Variants in LPIN2 observed in about 807,000 individuals in gnomAD.
LPIN2 encodes the protein phosphatidate phosphatase LPIN2.
Under a neutral mutation model 111.4 loss-of-function variants are expected in LPIN2, and 55 were observed. That is an observed-to-expected ratio of 0.49 (90% confidence interval 0.40 to 0.62). The LOEUF is 0.62. Ranked by LOEUF, LPIN2 falls within the 20% of genes least tolerant of loss-of-function variation. The probability of loss-of-function intolerance (pLI) is 0.00; values close to 1 mark genes in which losing one functional copy is unlikely to be tolerated. For synonymous variants in LPIN2, 425 were observed against 414.0 expected (o/e 1.03, Z -0.32); for missense variants, 992 against 1,112.1 (o/e 0.89, Z 1.54).
intron 1 of LPIN2, among the ~76,000 whole-genome samples, chr18:3,005,967 G>C (rs2078509334): frequency 6.6e-6 from 1 of 152,234 alleles, no homozygotes; most frequent in South Asian, 2.1e-4. Flanking sequence ...TCCTTGGGCA[G>C]TGGGGCAGCA....
Position 2,920,765 on chromosome 18 carries a change from A to G in LPIN2, c.2546+13T>C. 6 of 1,605,042 alleles carry G rather than the reference A, an allele frequency of 3.7e-6. No homozygotes were observed. The highest frequency in any genetic ancestry group is 5.1e-6 in the Non-Finnish European group (6 of 1,171,686). On this transcript the variant is annotated intron_variant, in intron 19 of 19. Coordinates refer to ENST00000677752, the MANE Select transcript of LPIN2 (RefSeq NM_001375808.2). ...CTGCAGGGCGCCGGGCTGAGAGCTGAGAATGTACTTACGATGACTTGTTTC... is the reference window on the plus strand; with the variant it reads ...CTGCAGGGCGCCGGGCTGAGAGCTGGGAATGTACTTACGATGACTTGTTTC...
intron 1 of LPIN2, among the ~76,000 whole-genome samples, chr18:3,009,849 T>C (rs534879641): frequency 6.6e-6 from 1 of 152,368 alleles, no homozygotes; most frequent in East Asian, 1.9e-4. Flanking sequence ...AGTCAGTGAA[T>C]CAAATTAGTA....
chr18:3,001,450 A>G (rs764012420), intron 1 of LPIN2, among the ~76,000 whole-genome samples: 2 of 152,234 alleles, frequency 1.3e-5, no homozygotes, highest in Non-Finnish European at 2.9e-5. Flanking sequence ...GCATATGCTC[A>G]GCTGTAAGCA....
intron 1 of LPIN2, among the ~76,000 whole-genome samples, chr18:3,001,694 C>A (rs1272662789): frequency 6.6e-6 from 1 of 151,996 alleles, no homozygotes; most frequent in Admixed American, 6.6e-5. Context: ...ATGAAAGGGG[C>A]TTTTGCTAGG....
chr18:2,974,218 G>A (rs667885), intron 1 of LPIN2, among the ~76,000 whole-genome samples: 143,833 of 152,226 alleles, frequency 0.94, 68,223 homozygotes, highest in East Asian at 1. Context: ...CTGGGATTAC[G>A]GGCGCCTGCC....
At chr18:2,959,997 C>T (rs1322607939) in intron 2 of LPIN2, among the ~76,000 whole-genome samples, 4 of 152,014 alleles carry the variant, frequency 2.6e-5, no homozygotes, top group South Asian at 2.1e-4. Context: ...GGTGAAACCC[C>T]GTCTCTACTA....
At chr18:3,000,236 C>A (rs1396039755) in intron 1 of LPIN2, among the ~76,000 whole-genome samples, 1 of 151,888 alleles carries the variant, frequency 6.6e-6, no homozygotes, top group Non-Finnish European at 1.5e-5. Flanking sequence ...GAGCATCAAT[C>A]CAAAATGGCC....
chr18:2,926,661 G>C (rs1468239209), intron 13 of LPIN2, 62 bp downstream of exon 13: 1 of 1,434,294 alleles, frequency 7.0e-7, no homozygotes, highest in Non-Finnish European at 9.7e-7. Flanking sequence ...AATCAACTTA[G>C]AAGTAATGGC....
rs55844718 is a variant in LPIN2 at position 2,956,311 on chromosome 18, G to GGTGT, written c.193-1716_193-1713dup. 4.6e-3 allele frequency among the ~76,000 whole-genome samples: 657 copies of GGTGT among 144,036 alleles called. 16 individuals carry two copies. Among genetic ancestry groups the GGTGT allele is most frequent in the East Asian group, 0.034 (163 of 4,816 alleles). The allele number at this position is 144,036 out of a possible 152,430, so 94.5% of individuals were successfully genotyped here. ...CATGATTTTCATATATAGATGCAGG[G>GGTGT]GTGTGTGTGTGTGTGTGTGTGTGTG... On this transcript the variant is annotated intron_variant, in intron 2 of 19. Transcript: ENST00000677752.
chr18:3,008,428 TGAGACC>T (rs2078549495), intron 1 of LPIN2, among the ~76,000 whole-genome samples: 1 of 152,222 alleles, frequency 6.6e-6, no homozygotes, highest in Non-Finnish European at 1.5e-5. Flanking sequence ...GGTGACCAAG[TGAGACC>T]TTGTCTCAAA....
chr18:2,924,593 T>G (rs537646513), intron 14 of LPIN2, 47 bp from the exon 15 acceptor site: 2 of 1,595,908 alleles, frequency 1.3e-6, no homozygotes, highest in African/African-American at 2.7e-5. Context: ...AAAACATAGT[T>G]TGAAACGATT....
At chr18:2,951,520 T>A (rs1485313783) in intron 3 of LPIN2, among the ~76,000 whole-genome samples, 164 bp from the exon 4 acceptor site, 1 of 152,046 alleles carries the variant, frequency 6.6e-6, no homozygotes. Context: ...CCTACTATAC[T>A]CTGACGAGGT....
intron 1 of LPIN2, chr18:2,990,867 C>CCT (rs1555607048): frequency 1.7e-5 from 8 of 484,312 alleles, no homozygotes; most frequent in Non-Finnish European, 2.8e-5. Flanking sequence ...AATGATACTA[C>CCT]CTCCCTCCAG....
intron 1 of LPIN2, among the ~76,000 whole-genome samples, chr18:2,964,635 C>T (rs2077765182): frequency 6.6e-6 from 1 of 152,182 alleles, no homozygotes. Flanking sequence ...TTGTTTAAGC[C>T]AAATACCATC....
intron 11 of LPIN2, among the ~76,000 whole-genome samples, chr18:2,928,211 C>A (rs1231509923): frequency 1.3e-5 from 2 of 152,184 alleles, no homozygotes; most frequent in Non-Finnish European, 2.9e-5. Flanking sequence ...CTGCCCTAAC[C>A]ACACTGATGT....
chr18:3,008,730 T>C (rs545498776), intron 1 of LPIN2, among the ~76,000 whole-genome samples: 1 of 152,218 alleles, frequency 6.6e-6, no homozygotes, highest in South Asian at 2.1e-4. Flanking sequence ...CTCATGTATT[T>C]ATTTATTCAG....
At chr18:2,940,740 G>A (rs757746490) in intron 4 of LPIN2, 28 bp from the exon 5 acceptor site, 6 of 1,332,280 alleles carry the variant, frequency 4.5e-6, no homozygotes, top group Non-Finnish European at 6.5e-6. Flanking sequence ...AAGAAAGGCA[G>A]GAACGATGAC....
chr18:2,972,095 G>A (rs1196302983), intron 1 of LPIN2, among the ~76,000 whole-genome samples: 1 of 152,028 alleles, frequency 6.6e-6, no homozygotes, highest in East Asian at 1.9e-4. Flanking sequence ...GAAATCCATG[G>A]TGGAAGTTAA....
chr18:2,986,364 T>C (rs1460016830), intron 1 of LPIN2, among the ~76,000 whole-genome samples: 1 of 151,908 alleles, frequency 6.6e-6, no homozygotes, highest in Admixed American at 6.6e-5. Context: ...GAACTGTGAG[T>C]GAATAACCAA....
Sources: allele counts gnomAD v4.1 joint callset (sites outside exome capture counted in the v4.1 genomes callset), GRCh38; gene constraint gnomAD v4.1.1; transcripts MANE v1.5; gene names NCBI Gene and HGNC (gene_info 2026-07-23, HGNC 2026-07-21).